NNT: variants seen among roughly 807,000 people sequenced by gnomAD.
NNT encodes nicotinamide nucleotide transhydrogenase.
In NNT, 50 loss-of-function variants were observed where a neutral mutation model predicts 104.8. That is an observed-to-expected ratio of 0.48 (90% CI 0.38 to 0.60). The LOEUF is 0.60. NNT is among the 20% of genes least tolerant of loss of function. The pLI is 0.00. For missense variants in NNT, 1,131 were observed against 1,330.7 expected (o/e 0.85, Z 2.33); for synonymous variants, 461 against 490.4 (o/e 0.94, Z 0.79).
chr5:43,698,941 A>G (rs2112240622), intron 19 of NNT, among the ~76,000 whole-genome samples: 1 of 151,638 alleles, frequency 6.6e-6, no homozygotes, highest in African/African-American at 2.4e-5. Flanking sequence ...ATTAGACCTT[A>G]GAAGGGTCAT....
At chr5:43,681,018 T>C (rs1045893136) in intron 19 of NNT, among the ~76,000 whole-genome samples, 4 of 152,022 alleles carry the variant, frequency 2.6e-5, no homozygotes, top group African/African-American at 9.7e-5. Flanking sequence ...CCCAGCACTT[T>C]GGGAGGCTGA....
chr5:43,636,649 T>C (rs1423400293), intron 7 of NNT, among the ~76,000 whole-genome samples: 1 of 152,210 alleles, frequency 6.6e-6, no homozygotes, highest in African/African-American at 2.4e-5. Flanking sequence ...GTAGCTAATG[T>C]ACATCTATAC....
chr5:43,636,697 A>G (rs1750946690), intron 7 of NNT, among the ~76,000 whole-genome samples: 1 of 152,172 alleles, frequency 6.6e-6, no homozygotes, highest in Admixed American at 6.6e-5. Context: ...TATAGTTTCT[A>G]TGAGAATGTA....
chr5:43,607,200 C>G (rs1041189097), intron 1 of NNT, among the ~76,000 whole-genome samples: 9 of 152,000 alleles, frequency 5.9e-5, no homozygotes, highest in African/African-American at 2.2e-4. Flanking sequence ...CCATCATAAC[C>G]CCTGTGATCT....
chr5:43,698,419 G>A (rs1246924808), intron 19 of NNT, among the ~76,000 whole-genome samples: 4 of 151,956 alleles, frequency 2.6e-5, no homozygotes, highest in South Asian at 2.1e-4. Flanking sequence ...ATGTGTCTAC[G>A]TGGTTCCAGT....
chr5:43,624,066 C>T lies in NNT; in HGVS notation c.722C>T (p.Ala241Val), dbSNP rs1750234969. 1 of 1,614,062 alleles carries T rather than the reference C, an allele frequency of 6.2e-7. No individual in the cohort carries two copies. Among genetic ancestry groups the T allele is most frequent in the South Asian group, 1.1e-5 (1 of 91,088 alleles). ...GTTGGTGGTGGTGTTGCTGGGCTTGCTTCTGCAGGCGCAGCAAAGTCGATG... is the reference window on the plus strand; with the variant it reads ...GTTGGTGGTGGTGTTGCTGGGCTTGTTTCTGCAGGCGCAGCAAAGTCGATG... ...LIVGGGVAGL[A>V]SAGAAKSMGA... is the part of the protein sequence containing the mutation. The change falls in exon 6 of 22, where the codon GCT becomes GTT. Residue 241 changes from alanine (A) to valine (V), a missense_variant. By Grantham distance (64) the Ala-to-Val change is moderately conservative. Coordinates refer to ENST00000344920, the MANE Select transcript of NNT (RefSeq NM_182977.3).
At chr5:43,695,982 A>T (rs1447627721) in intron 19 of NNT, among the ~76,000 whole-genome samples, 1 of 152,160 alleles carries the variant, frequency 6.6e-6, no homozygotes, top group Non-Finnish European at 1.5e-5. Context: ...TTTGGTAGAG[A>T]CACAGCCAAA....
intron 7 of NNT, among the ~76,000 whole-genome samples, chr5:43,643,942 C>T (rs755277979): frequency 6.6e-6 from 1 of 152,212 alleles, no homozygotes; most frequent in Non-Finnish European, 1.5e-5. Context: ...GATTCTCATG[C>T]TGAGCAGATG....
chr5:43,682,589 G>A (rs890870378), intron 19 of NNT, among the ~76,000 whole-genome samples: 4 of 152,192 alleles, frequency 2.6e-5, no homozygotes, highest in African/African-American at 7.2e-5. Flanking sequence ...ATGTTTTTGG[G>A]TGGAGGAAGA....
chr5:43,613,218 C>G, intron 3 of NNT, 81 bp downstream of exon 3: 1 of 1,079,696 alleles, frequency 9.3e-7, no homozygotes, highest in Middle Eastern at 2.4e-4. Context: ...ATTACTTTAT[C>G]TGGAGTTACA....
chr5:43,615,749 A>G (rs1245880617), intron 3 of NNT, 99 bp from the exon 4 acceptor site: 3 of 879,588 alleles, frequency 3.4e-6, no homozygotes, highest in Non-Finnish European at 3.5e-6. Context: ...TTTCTGGAGT[A>G]TTATTTCAGT....
At chr5:43,687,780 A>G (rs1188033712) in intron 19 of NNT, among the ~76,000 whole-genome samples, 1 of 152,166 alleles carries the variant, frequency 6.6e-6, no homozygotes, top group African/African-American at 2.4e-5. Context: ...CTCAACAAAA[A>G]CATTGTCTTT....
chr5:43,663,594 G>A (rs544303956), intron 17 of NNT, among the ~76,000 whole-genome samples: 1 of 152,268 alleles, frequency 6.6e-6, no homozygotes, highest in East Asian at 1.9e-4. Context: ...GATTTATTCA[G>A]TTTCTTCATG....
chr5:43,695,080 G>T (rs1742489440), intron 19 of NNT, among the ~76,000 whole-genome samples: 3 of 152,126 alleles, frequency 2.0e-5, no homozygotes, highest in Admixed American at 2.0e-4. Context: ...TCTAGTTTGT[G>T]TGTATAGAGG....
intron 2 of NNT, among the ~76,000 whole-genome samples, chr5:43,611,735 T>C (rs1384778697): frequency 6.6e-6 from 1 of 152,208 alleles, no homozygotes; most frequent in Non-Finnish European, 1.5e-5. Flanking sequence ...TTTGAAATTA[T>C]ACATATTCAG....
intron 3 of NNT, chr5:43,613,341 G>A: frequency 5.9e-6 from 3 of 511,438 alleles, no homozygotes; most frequent in Non-Finnish European, 1.0e-5. Context: ...GTTTAACCAT[G>A]AGGAGAGAAA....
rs1463099305 is a variant in NNT at position 43,653,469 on chromosome 5, T to C, written c.2059+256T>C. 8.0e-6 allele frequency: 3 copies of C among 375,014 alleles called. No individual in the cohort carries two copies. The East Asian group carries it at 1.4e-4, about 17-fold the overall frequency. 23.2% of individuals were successfully genotyped at this position (375,014 alleles called of 1,614,324 possible). ...TTACTGACTGTGTCCCGTTAGCTGA[T>C]AATGGAATGGGGGATTGGAATCCTT... is the stretch of plus-strand genomic sequence containing the variant. On this transcript the variant is annotated intron_variant, in intron 14 of 21. Coordinates refer to ENST00000344920, the MANE Select transcript of NNT (RefSeq NM_182977.3).
intron 4 of NNT, among the ~76,000 whole-genome samples, chr5:43,616,655 T>G (rs1458340313): frequency 6.6e-6 from 1 of 152,158 alleles, no homozygotes; most frequent in Non-Finnish European, 1.5e-5. Flanking sequence ...ACTAATACAT[T>G]CTATGTTGAT....
At chr5:43,644,581 A>G (rs772652882) in intron 8 of NNT, 30 bp from the exon 9 acceptor site, 1 of 1,565,098 alleles carries the variant, frequency 6.4e-7, no homozygotes, top group Non-Finnish European at 8.7e-7. Context: ...AGGGTGATAG[A>G]CCTTTTTGAC....
Sources: gnomAD v4.1 joint callset for allele counts (sites outside exome capture counted in the v4.1 genomes callset) on GRCh38, gnomAD v4.1.1 for gene constraint, MANE v1.5 for transcripts, NCBI Gene and HGNC (gene_info 2026-07-23, HGNC 2026-07-21) for gene names.